The following SUMF1 variants were observed in gnomAD, a reference collection of about 807,000 sequenced individuals.
SUMF1 encodes sulfatase modifying factor 1.
Under a neutral mutation model 47.6 loss-of-function variants are expected in SUMF1, and 48 were observed. That is an observed-to-expected ratio of 1.01 (90% CI 0.80 to 1.28). The LOEUF is 1.28. Ranked by LOEUF, SUMF1 falls within the 50% of genes most tolerant of loss-of-function variation. SUMF1 has a pLI of 0.00. For synonymous variants in SUMF1, 230 were observed against 192.1 expected (o/e 1.20, Z -1.63); for missense variants, 571 against 485.4 (o/e 1.18, Z -1.66).
At chr3:4,301,447 G>A (rs1435720865) in intron 8 of SUMF1, among the ~76,000 whole-genome samples, 1 of 152,208 alleles carries the variant, frequency 6.6e-6, no homozygotes, top group African/African-American at 2.4e-5. Flanking sequence ...AACTGGACAA[G>A]GATCTTCAAA....
intron 8 of SUMF1, among the ~76,000 whole-genome samples, chr3:4,278,076 T>C (rs1697455472): frequency 6.6e-6 from 1 of 152,148 alleles, no homozygotes; most frequent in African/African-American, 2.4e-5. Context: ...AACATGTTAA[T>C]TGAACACCCA....
At chr3:4,166,679 G>T (rs946257421) in intron 8 of SUMF1, among the ~76,000 whole-genome samples, 1 of 152,160 alleles carries the variant, frequency 6.6e-6, no homozygotes, top group Non-Finnish European at 1.5e-5. Flanking sequence ...GCAAGGGTCA[G>T]AACAGATAGG....
chr3:4,107,069 A>T (rs891455266), intron 8 of SUMF1, among the ~76,000 whole-genome samples: 1 of 151,988 alleles, frequency 6.6e-6, no homozygotes, highest in Non-Finnish European at 1.5e-5. Flanking sequence ...TCATTCTACC[A>T]TCAGCTACTG....
intron 9 of SUMF1, among the ~76,000 whole-genome samples, chr3:4,065,258 T>C (rs894640226): frequency 2.0e-5 from 3 of 152,072 alleles, no homozygotes; most frequent in African/African-American, 7.2e-5. Flanking sequence ...AGAGAAGCAA[T>C]TACCTCTCCA....
intron 8 of SUMF1, among the ~76,000 whole-genome samples, chr3:4,110,422 G>A (rs1018505241): frequency 2.0e-5 from 3 of 152,096 alleles, no homozygotes; most frequent in African/African-American, 7.3e-5. Flanking sequence ...AACCATTGTG[G>A]AAGACAGTGC....
chr3:4,442,373 AGC>A (rs1702626641), intron 3 of SUMF1, among the ~76,000 whole-genome samples: 2 of 150,768 alleles, frequency 1.3e-5, no homozygotes, highest in African/African-American at 4.9e-5. Context: ...CTCCTGCCTC[AGC>A]CTCCCGAGTA....
intron 8 of SUMF1, among the ~76,000 whole-genome samples, chr3:4,252,847 G>A (rs1421331713): frequency 1.3e-5 from 2 of 151,888 alleles, no homozygotes; most frequent in Admixed American, 6.6e-5. Flanking sequence ...ATCTAAATTT[G>A]CACCTGTTTT....
At chr3:4,396,562 C>T (rs557226690) in intron 7 of SUMF1, among the ~76,000 whole-genome samples, 19 of 152,244 alleles carry the variant, frequency 1.2e-4, no homozygotes, top group Middle Eastern at 3.4e-3. Flanking sequence ...CTCTAGAGAC[C>T]TTATAGGGTC....
intron 9 of SUMF1, among the ~76,000 whole-genome samples, chr3:4,055,968 G>T (rs1232908728): frequency 6.6e-6 from 1 of 152,028 alleles, no homozygotes; most frequent in African/African-American, 2.4e-5. Context: ...AGCAATAACA[G>T]GCCAAGACTT....
chr3:4,201,817 T>C (rs900611311), intron 8 of SUMF1, among the ~76,000 whole-genome samples: 3 of 152,034 alleles, frequency 2.0e-5, no homozygotes, highest in Non-Finnish European at 4.4e-5. Flanking sequence ...ATGAAAGCCA[T>C]TTTAATTGGG....
chr3:4,141,147 C>T (rs1386032763), intron 8 of SUMF1, among the ~76,000 whole-genome samples: 1 of 152,100 alleles, frequency 6.6e-6, no homozygotes, highest in Non-Finnish European at 1.5e-5. Context: ...TTTTGGTTCA[C>T]TGTATTTTCT....
At position 4,323,377 on chromosome 3, in the gene SUMF1, C is replaced by T. The variant is rs77415195; in HGVS notation, c.1014+52953G>A. Among the ~76,000 whole-genome samples, 696 of 152,138 alleles carry T rather than the reference C, an allele frequency of 4.6e-3. 7 individuals are homozygous for T. Among genetic ancestry groups the T allele is most frequent in the African/African-American group, 0.016 (668 of 41,504 alleles). Reference sequence around the variant, plus strand: ...AAAGTAGATTAGTGGTTGCCAGGGCCGGGAGCAGGAAGGAGTATAGGGATT... The same window carrying T: ...AAAGTAGATTAGTGGTTGCCAGGGCTGGGAGCAGGAAGGAGTATAGGGATT... On this transcript the variant is annotated intron_variant and NMD_transcript_variant, in intron 8 of 12. Coordinates refer to the SUMF1 transcript ENST00000448413.
rs149353184 is a variant in SUMF1 at position 4,383,780 on chromosome 3, C to T, written c.955-7391G>A. Among the ~76,000 whole-genome samples the T allele has an allele frequency of 8.7e-4, 132 of 152,258 alleles. 1 individual carries two copies. Among genetic ancestry groups the T allele is most frequent in the African/African-American group, 3.0e-3 (126 of 41,554 alleles). ...CGATGTGAACATGAAGTGCATGTTG[C>T]CTGCTGTGCTGTGACTAGAAAAATC... is the stretch of plus-strand genomic sequence containing the variant. On this transcript the variant is annotated intron_variant, in intron 7 of 8. Transcript: ENST00000272902.
intron 7 of SUMF1, among the ~76,000 whole-genome samples, chr3:4,393,911 A>T (rs528817161): frequency 1.3e-5 from 2 of 152,158 alleles, no homozygotes; most frequent in East Asian, 3.9e-4. Context: ...TTACATTGCA[A>T]TTACCAAAAT....
intron 9 of SUMF1, among the ~76,000 whole-genome samples, chr3:4,058,951 A>T (rs1219394742): frequency 3.3e-5 from 5 of 152,106 alleles, no homozygotes; most frequent in African/African-American, 4.8e-5. Flanking sequence ...TCTAGCAATT[A>T]CCCCCAAATA....
At chr3:4,339,842 C>T (rs971140177) in intron 8 of SUMF1, among the ~76,000 whole-genome samples, 3 of 152,040 alleles carry the variant, frequency 2.0e-5, no homozygotes, top group African/African-American at 7.2e-5. Context: ...TTTGGGAGGC[C>T]GAGGCAGGCA....
intron 9 of SUMF1, among the ~76,000 whole-genome samples, chr3:4,056,607 TA>T: frequency 6.6e-6 from 1 of 152,002 alleles, no homozygotes; most frequent in East Asian, 1.9e-4. Flanking sequence ...TACAGTGAGC[TA>T]AAATCATACC....
At chr3:4,060,981 CA>C (rs1695268479) in intron 9 of SUMF1, among the ~76,000 whole-genome samples, 1 of 152,076 alleles carries the variant, frequency 6.6e-6, no homozygotes, top group South Asian at 2.1e-4. Flanking sequence ...CATAAGACCC[CA>C]AAGTGTCTTG....
intron 8 of SUMF1, among the ~76,000 whole-genome samples, chr3:4,122,998 G>C (rs888963476): frequency 6.6e-6 from 1 of 152,132 alleles, no homozygotes; most frequent in African/African-American, 2.4e-5. Flanking sequence ...CATTTCCTTA[G>C]TACCAGGCAT....
Sources: allele counts gnomAD v4.1 joint callset (sites outside exome capture counted in the v4.1 genomes callset), GRCh38; gene constraint gnomAD v4.1.1; transcripts MANE v1.5; gene names NCBI Gene and HGNC (gene_info 2026-07-23, HGNC 2026-07-21).